ACSL4: variants seen among roughly 807,000 people sequenced by gnomAD.
ACSL4 encodes acyl-CoA synthetase long chain family member 4.
Under a neutral mutation model 49.1 loss-of-function variants are expected in ACSL4, and 9 were observed. The observed-to-expected ratio is 0.18, with a 90% CI of 0.11 to 0.32. The LOEUF (loss-of-function observed/expected upper bound fraction) is 0.32. ACSL4 is among the 10% of genes least tolerant of loss of function. The pLI is 1.00. For synonymous variants in ACSL4, 191 were observed against 170.3 expected (o/e 1.12, Z -0.95); for missense variants, 333 against 493.7 (o/e 0.67, Z 3.08).
intron 9 of ACSL4, among the ~76,000 whole-genome samples, chrX:109,671,598 C>T (rs747844474): frequency 8.5e-4 from 96 of 112,619 alleles, no homozygotes; most frequent in African/African-American, 3.0e-3. Flanking sequence ...TCATTGAGAA[C>T]GGGCCATGAT....
intron 15 of ACSL4, among the ~76,000 whole-genome samples, chrX:109,644,960 C>T (rs1934590494): frequency 8.8e-6 from 1 of 113,052 alleles, no homozygotes; most frequent in African/African-American, 3.2e-5. Flanking sequence ...TGTGCTTTTC[C>T]GACAGGCTTA....
chrX:109,642,868 C>A lies in ACSL4; in HGVS notation c.*1161G>T, dbSNP rs1934487447. 9.0e-6 allele frequency: 1 copy of A among 111,301 alleles called. No homozygotes were observed. The highest frequency in any genetic ancestry group is 9.6e-5 in the Admixed American group (1 of 10,383). The allele number at this position is 111,301 out of a possible 1,213,427, so 9.2% of individuals were successfully genotyped here. ...CAGGAAAAAATGATAACAGTGTTTT[C>A]TTCCCTTTAACTTCCCAAAACTCAT... On this transcript the variant is annotated 3_prime_UTR_variant, in exon 16 of 16. Coordinates refer to ENST00000672401, the MANE Select transcript of ACSL4 (RefSeq NM_001318510.2).
intron 8 of ACSL4, 151 bp from the exon 9 acceptor site, chrX:109,674,624 T>C (rs1362435448): frequency 4.2e-6 from 2 of 470,857 alleles, no homozygotes; most frequent in African/African-American, 4.8e-5. Context: ...AACCTACAAG[T>C]CTCAAATGTA....
chrX:109,721,357 T>C (rs765561205), intron 1 of ACSL4, among the ~76,000 whole-genome samples: 1 of 111,732 alleles, frequency 8.9e-6, no homozygotes, highest in Admixed American at 9.5e-5. Context: ...CCCAGGAGAG[T>C]TGGTCGTACA....
At chrX:109,711,516 T>C (rs1243557246) in intron 1 of ACSL4, among the ~76,000 whole-genome samples, 1 of 112,397 alleles carries the variant, frequency 8.9e-6, no homozygotes, top group African/African-American at 3.2e-5. Context: ...TATTATTAGT[T>C]ACAGGTACTG....
intron 12 of ACSL4, 89 bp downstream of exon 12, chrX:109,665,331 T>G: frequency 2.4e-6 from 2 of 850,036 alleles, no homozygotes; most frequent in Admixed American, 2.2e-5. Flanking sequence ...ATTATTTGCT[T>G]CCCCAGACTT....
In ACSL4 at chrX:109,650,421, G is replaced by A. The variant is rs1248633728; in HGVS notation, c.1856-6235C>T. On this transcript the variant is annotated intron_variant, in intron 15 of 15. Coordinates refer to ENST00000672401, the MANE Select transcript of ACSL4 (RefSeq NM_001318510.2). ...AAATCATCATTCTCAGTAAACTATC[G>A]CAAGAACAAAAAACCAAACACCGCA... Among the ~76,000 whole-genome samples, 19 of 103,156 alleles carry A rather than the reference G, an allele frequency of 1.8e-4. No homozygotes were observed. In the South Asian group the frequency reaches 2.8e-3, roughly 15 times the overall value. The allele number at this position is 103,156 out of a possible 115,157, so 89.6% of individuals were successfully genotyped here.
intron 1 of ACSL4, among the ~76,000 whole-genome samples, chrX:109,728,425 C>T (rs1363594218): frequency 8.9e-6 from 1 of 112,473 alleles, no homozygotes; most frequent in Non-Finnish European, 1.9e-5. Flanking sequence ...GAAAATGATA[C>T]AGTTTTGCCA....
chrX:109,696,819 GAT>G (rs1323605725), intron 1 of ACSL4, among the ~76,000 whole-genome samples: 2 of 112,939 alleles, frequency 1.8e-5, no homozygotes, highest in Non-Finnish European at 1.9e-5. Context: ...AAGGCAGGCA[GAT>G]ACCTTGAATC....
At chrX:109,717,364 C>T (rs1927201449) in intron 1 of ACSL4, among the ~76,000 whole-genome samples, 1 of 110,039 alleles carries the variant, frequency 9.1e-6, no homozygotes, top group Non-Finnish European at 1.9e-5. Flanking sequence ...GGCAAGGTGG[C>T]GGGCACCTGT....
intron 14 of ACSL4, among the ~76,000 whole-genome samples, chrX:109,660,203 G>C (rs1922060179): frequency 9.0e-6 from 1 of 111,059 alleles, no homozygotes; most frequent in African/African-American, 3.3e-5. Context: ...CTGATAAGGG[G>C]TTAATAAACA....
At chrX:109,715,138 G>A (rs1198854716) in intron 1 of ACSL4, among the ~76,000 whole-genome samples, 1 of 111,691 alleles carries the variant, frequency 9.0e-6, no homozygotes, top group Non-Finnish European at 1.9e-5. Context: ...ATATACATAC[G>A]TTTTCTAAAA....
chrX:109,652,536 G>T (rs1022558740), intron 15 of ACSL4, among the ~76,000 whole-genome samples: 4 of 111,292 alleles, frequency 3.6e-5, no homozygotes, highest in Non-Finnish European at 5.7e-5. Context: ...TATATTCAGA[G>T]GATGAATAAG....
chrX:109,722,322 T>C (rs1927619631), intron 1 of ACSL4, among the ~76,000 whole-genome samples: 1 of 111,914 alleles, frequency 8.9e-6, no homozygotes, highest in Non-Finnish European at 1.9e-5. Context: ...CTCCTAATAA[T>C]CAATTTGATA....
At chrX:109,661,994 G>A (rs1237004858) in intron 13 of ACSL4, among the ~76,000 whole-genome samples, 1 of 110,931 alleles carries the variant, frequency 9.0e-6, no homozygotes, top group African/African-American at 3.3e-5. Context: ...CTATCTGAAT[G>A]GTAACTCTGC....
rs184693848 is a variant in ACSL4 at position 109,697,628 on chromosome X, G to A, written c.-65-1432C>T. Among the ~76,000 whole-genome samples the A allele has an allele frequency of 8.6e-3, 886 of 103,398 alleles. 10 individuals carry two copies. The highest frequency in any genetic ancestry group is 0.028 in the African/African-American group (789 of 28,153). 89.8% of individuals were successfully genotyped at this position (103,398 alleles called of 115,157 possible). ...ATCAGTATATGTCTTAACACAAATG[G>A]TTAAGATTACTTATAAACAGAAGTC... is the stretch of plus-strand genomic sequence containing the variant. On this transcript the variant is annotated intron_variant, in intron 1 of 15. Transcript: ENST00000672401.
At chrX:109,693,542 C>A (rs1385793741) in intron 2 of ACSL4, among the ~76,000 whole-genome samples, 1 of 111,856 alleles carries the variant, frequency 8.9e-6, no homozygotes, top group Non-Finnish European at 1.9e-5. Context: ...TCACACAAAG[C>A]CAAATATAAG....
At chrX:109,730,579 T>C (rs1365674197) in intron 1 of ACSL4, among the ~76,000 whole-genome samples, 1 of 112,389 alleles carries the variant, frequency 8.9e-6, no homozygotes, top group Non-Finnish European at 1.9e-5. Flanking sequence ...GTAGGGTTTG[T>C]CTTAACCATC....
chrX:109,718,973 G>A (rs1927339086), intron 1 of ACSL4, among the ~76,000 whole-genome samples: 2 of 111,366 alleles, frequency 1.8e-5, no homozygotes, highest in African/African-American at 6.5e-5. Context: ...CCTAAGCAAG[G>A]TGATCCTTCA....
Sources: allele counts gnomAD v4.1 joint callset (sites outside exome capture counted in the v4.1 genomes callset), GRCh38; gene constraint gnomAD v4.1.1; transcripts MANE v1.5; gene names NCBI Gene and HGNC (gene_info 2026-07-23, HGNC 2026-07-21).